KAT6B: variants seen among roughly 807,000 people sequenced by gnomAD.
KAT6B encodes the protein lysine acetyltransferase 6B.
Under a neutral mutation model 187.5 loss-of-function variants are expected in KAT6B, and 10 were observed. That is an observed-to-expected ratio of 0.05 (90% CI 0.03 to 0.09). The LOEUF is 0.09. Ranked by LOEUF, KAT6B falls within the 10% of genes least tolerant of loss-of-function variation. The pLI is 1.00. For synonymous variants in KAT6B, 861 were observed against 926.8 expected, an observed-to-expected ratio of 0.93 and a Z score of 1.29; for missense variants, 1,952 against 2,558.9, an observed-to-expected ratio of 0.76 and a Z score of 5.12.
Position 74,842,739 on chromosome 10 carries a change from AGTCTG to A in KAT6B, c.-117_-113del. 8 of 1,098,042 alleles carry A rather than the reference AGTCTG, an allele frequency of 7.3e-6. No homozygotes were observed. The South Asian group carries it at 8.7e-5, about 12-fold the overall frequency. 68.0% of individuals were successfully genotyped at this position (1,098,042 alleles called of 1,614,324 possible). A position where few individuals can be genotyped will look rare whatever the true frequency, so the allele number is the denominator to read the frequency against. The stretch of plus-strand genomic sequence containing the variant: ...ATGTTTGTAAGATGTTGCTTAATAC[AGTCTG>A]GAATACTCTGTCCATTTGTTGAATT... On this transcript the variant is annotated 5_prime_UTR_variant, in exon 3 of 18. An upstream open reading frame in the 5' UTR loses its in-frame stop. Transcript: ENST00000287239.
chr10:74,977,138 G>A, intron 8 of KAT6B, 178 bp from the exon 9 acceptor site: 1 of 542,372 alleles, frequency 1.8e-6, no homozygotes, highest in Non-Finnish European at 3.3e-6. Flanking sequence ...TTTGAGTATA[G>A]CAGGGAAAGG....
In KAT6B at chr10:75,029,144, G is replaced by A; in HGVS notation, c.4320G>A (p.Glu1440=). 6.2e-7 allele frequency: 1 copy of A among 1,614,192 alleles called. No individual in the cohort carries two copies. The highest frequency in any genetic ancestry group is 1.1e-5 in the South Asian group (1 of 91,080). The part of the protein sequence containing the change: ...DDSHMESAEV[E]KEELPRESFK... Reference sequence around the variant, plus strand: ...GCCACATGGAGTCTGCCGAAGTGGAGAAGGAAGAGCTGCCCAGAGAAAGCT... The same window carrying A: ...GCCACATGGAGTCTGCCGAAGTGGAAAAGGAAGAGCTGCCCAGAGAAAGCT... The change falls in exon 18 of 18, where the codon GAG becomes GAA. Residue 1440 remains glutamate, a synonymous_variant. Coordinates refer to ENST00000287239, the MANE Select transcript of KAT6B (RefSeq NM_012330.4). The surrounding 1 kb of genome is among the most constrained non-coding windows in gnomAD (Gnocchi z 6.2).
At chr10:74,838,465 A>G (rs1049095775) in intron 1 of KAT6B, among the ~76,000 whole-genome samples, 4 of 152,192 alleles carry the variant, frequency 2.6e-5, no homozygotes, top group South Asian at 2.1e-4. Context: ...ATTTACTTCT[A>G]TAGGCACTTG....
intron 3 of KAT6B, among the ~76,000 whole-genome samples, chr10:74,949,877 CCTTA>C (rs749838284): frequency 2.0e-5 from 3 of 152,140 alleles, no homozygotes; most frequent in Non-Finnish European, 4.4e-5. Flanking sequence ...TTTCCTGCTT[CCTTA>C]CTGTCACTTA....
At chr10:74,929,233 G>GT in intron 3 of KAT6B, among the ~76,000 whole-genome samples, 1 of 152,194 alleles carries the variant, frequency 6.6e-6, no homozygotes, top group Admixed American at 6.5e-5. Flanking sequence ...AGAGCTGGGA[G>GT]TTTCATTTTC....
At chr10:74,994,192 T>C (rs372031153) in intron 13 of KAT6B, among the ~76,000 whole-genome samples, 3 of 152,346 alleles carry the variant, frequency 2.0e-5, no homozygotes. Context: ...TTCTTCCCCA[T>C]TTATTTAATT....
chr10:75,014,210 C>T (rs1418475025), intron 13 of KAT6B, among the ~76,000 whole-genome samples: 1 of 152,160 alleles, frequency 6.6e-6, no homozygotes, highest in Non-Finnish European at 1.5e-5. Context: ...TGCAGTGGCT[C>T]ACGCCTGTAA....
chr10:74,884,447 C>G (rs984947614), intron 3 of KAT6B, among the ~76,000 whole-genome samples: 1 of 152,130 alleles, frequency 6.6e-6, no homozygotes, highest in Non-Finnish European at 1.5e-5. Flanking sequence ...TTATAAAAGC[C>G]CTACTTTATC....
At chr10:74,842,306 T>G (rs1841801691) in intron 2 of KAT6B, among the ~76,000 whole-genome samples, 1 of 152,232 alleles carries the variant, frequency 6.6e-6, no homozygotes, top group Admixed American at 6.5e-5. Flanking sequence ...TCAAACCACT[T>G]TCATATAATT....
intron 3 of KAT6B, among the ~76,000 whole-genome samples, chr10:74,920,450 A>G (rs578213538): frequency 6.6e-6 from 1 of 152,296 alleles, no homozygotes; most frequent in Non-Finnish European, 1.5e-5. Context: ...GTCCTCACCA[A>G]TTTTTGACCG....
chr10:74,978,902 C>T (rs1002366058), intron 9 of KAT6B, among the ~76,000 whole-genome samples: 3 of 152,140 alleles, frequency 2.0e-5, no homozygotes, highest in African/African-American at 7.2e-5. Flanking sequence ...CCAGTTCTAT[C>T]GACATTTGTA....
chr10:74,914,684 T>G (rs1412646118), intron 3 of KAT6B, among the ~76,000 whole-genome samples: 1 of 152,256 alleles, frequency 6.6e-6, no homozygotes, highest in African/African-American at 2.4e-5. Flanking sequence ...TAGGATATGA[T>G]TCCAGTTTCC....
chr10:74,852,848 C>G (rs772005824), intron 3 of KAT6B, among the ~76,000 whole-genome samples: 67 of 152,168 alleles, frequency 4.4e-4, no homozygotes, highest in Admixed American at 1.4e-3. Flanking sequence ...GAATGATCAG[C>G]AGCTTTCAGG....
intron 8 of KAT6B, 126 bp from the exon 9 acceptor site, chr10:74,977,190 A>G (rs1589741048): frequency 2.1e-6 from 2 of 938,012 alleles, no homozygotes; most frequent in African/African-American, 3.3e-5. Flanking sequence ...GTAAAAGCTT[A>G]TTTATAAAGC....
intron 3 of KAT6B, among the ~76,000 whole-genome samples, chr10:74,884,039 G>A (rs1422745816): frequency 6.6e-6 from 1 of 152,196 alleles, no homozygotes; most frequent in East Asian, 1.9e-4. Flanking sequence ...ATTTCATGGA[G>A]ATGGGAGAGA....
intron 3 of KAT6B, among the ~76,000 whole-genome samples, chr10:74,877,009 C>T (rs1844464374): frequency 6.6e-6 from 1 of 151,702 alleles, no homozygotes; most frequent in South Asian, 2.1e-4. Flanking sequence ...CTCTGTTGCT[C>T]AGGCTGGAGC....
chr10:74,993,519 C>T (rs997000843), intron 13 of KAT6B, among the ~76,000 whole-genome samples: 2 of 152,106 alleles, frequency 1.3e-5, no homozygotes, highest in Non-Finnish European at 2.9e-5. Context: ...TATATAGCCA[C>T]AATACAAATT....
At chr10:74,892,875 C>A (rs1845731141) in intron 3 of KAT6B, among the ~76,000 whole-genome samples, 1 of 152,176 alleles carries the variant, frequency 6.6e-6, no homozygotes, top group African/African-American at 2.4e-5. Context: ...CAAGTATCTT[C>A]CTCTCATCTG....
In KAT6B at chr10:74,842,917, A is replaced by T. The variant is rs1841847256; in HGVS notation, c.60A>T (p.Ile20=). Residue 20 remains isoleucine (I), a synonymous_variant, in exon 3 of 18, where the codon ATA becomes ATT. Coordinates refer to ENST00000287239, the MANE Select transcript of KAT6B (RefSeq NM_012330.4). ...GGATTCTTGAAGCTATACAGAAAAT[A>T]AAAAAGCAAAAGCAAAGGCCCTCTG... ...TEWILEAIQK[I]KKQKQRPSEE... The T allele has an allele frequency of 6.2e-7, 1 of 1,614,226 alleles. No individual in the cohort carries two copies. Among genetic ancestry groups the T allele is most frequent in the Non-Finnish European group, 8.5e-7 (1 of 1,180,030 alleles).
Sources: allele counts gnomAD v4.1 joint callset (sites outside exome capture counted in the v4.1 genomes callset), GRCh38; gene constraint gnomAD v4.1.1; non-coding constraint Gnocchi (gnomAD v3.1); transcripts MANE v1.5; gene names NCBI Gene and HGNC (gene_info 2026-07-23, HGNC 2026-07-21).